Variants in ZNF347 observed in about 807,000 individuals in gnomAD.
ZNF347 encodes the protein zinc finger protein 347, also known as CTD-2620I22.7.
ZNF347 carries 19 observed loss-of-function variants against 12.9 expected under a neutral mutation model. The observed-to-expected ratio is 1.47, with a 90% confidence interval of 1.03 to 2.16. The LOEUF (loss-of-function observed/expected upper bound fraction) is 2.16. ZNF347 is among the 30% of genes most tolerant of loss of function. The pLI, the probability that ZNF347 is intolerant of heterozygous loss-of-function variation, is 0.00. For synonymous variants in ZNF347, 328 were observed against 340.6 expected, an observed-to-expected ratio of 0.96 and a Z score of 0.41; for missense variants, 1,005 against 990.6, an observed-to-expected ratio of 1.01 and a Z score of -0.19.
In ZNF347 at chr19:53,153,754, C is replaced by G. The variant is rs1182164550; in HGVS notation, c.-7G>C. The G allele has an allele frequency of 1.2e-6, 2 of 1,614,102 alleles. No homozygotes were observed. Among genetic ancestry groups the G allele is most frequent in the Admixed American group, 3.3e-5 (2 of 60,032 alleles). On this transcript the variant is annotated 5_prime_UTR_variant, in exon 2 of 5. Coordinates refer to ENST00000334197, the MANE Select transcript of ZNF347 (RefSeq NM_032584.3). ...TTACCTGGGTGAGAGCCATGCCTGA[C>G]TTGTCTTTCTTTCCTCTTCCTCTTC... is the stretch of plus-strand genomic sequence containing the variant.
At position 53,141,482 on chromosome 19, in the gene ZNF347, A is replaced by G; in HGVS notation, c.1346T>C (p.Val449Ala). The G allele has an allele frequency of 1.2e-6, 2 of 1,613,726 alleles. No homozygotes were observed. Among genetic ancestry groups the G allele is most frequent in the Non-Finnish European group, 1.7e-6 (2 of 1,179,992 alleles). ...GTAAGGCTTTTCTCCGGTGTGAATT[A>G]CCAGATGAATAGCTAGGCTTGAACG... ...GVRSSLAIHL[V>A]IHTGEKPYKC... The change falls in exon 5 of 5, where the codon GTA becomes GCA. Residue 449 changes from valine to alanine, a missense_variant. Val to Ala is a moderately conservative substitution (Grantham distance 64, BLOSUM62 0). Transcript: ENST00000334197.
At chr19:53,157,396 C>T (rs2090542620) in intron 1 of ZNF347, among the ~76,000 whole-genome samples, 1 of 151,578 alleles carries the variant, frequency 6.6e-6, no homozygotes, top group South Asian at 2.1e-4. Flanking sequence ...CTCTACATAG[C>T]TCTCATTCTC....
rs1360122760 is a variant in ZNF347 at position 53,139,377 on chromosome 19, T to C, written c.*931A>G. 6.6e-6 allele frequency: 1 copy of C among 152,196 alleles called. No individual in the cohort carries two copies. Among genetic ancestry groups the C allele is most frequent in the Non-Finnish European group, 1.5e-5 (1 of 68,032 alleles). The allele number at this position is 152,196 out of a possible 1,614,324, so 9.4% of individuals were successfully genotyped here. ...TAAAAATGATCCTCATGTAATGAAG[T>C]AAGCCTTTCCATACTGTGGTTCTTT... On this transcript the variant is annotated 3_prime_UTR_variant, in exon 5 of 5. Coordinates refer to ENST00000334197, the MANE Select transcript of ZNF347 (RefSeq NM_032584.3).
rs1197181020 is a variant in ZNF347 at position 53,135,323 on chromosome 19, TATATATATATATATATAGAGAGAG to T, written c.*4961_*4984del. Reference sequence around the variant, plus strand: ...AAATATATATATATATATATATATATATATATATATATATATAGAGAGAGAGAGAGAGAGAGAGAGAGAGAAAGA... The same window carrying T: ...AAATATATATATATATATATATATATAGAGAGAGAGAGAGAGAGAGAAAGA... On this transcript the variant is annotated 3_prime_UTR_variant, in exon 5 of 5. Transcript: ENST00000334197. 9.5e-5 allele frequency: 5 copies of T among 52,588 alleles called. No individual in the cohort carries two copies. Among genetic ancestry groups the T allele is most frequent in the Non-Finnish European group, 2.1e-4 (5 of 23,754 alleles). 3.3% of individuals were successfully genotyped at this position (52,588 alleles called of 1,614,324 possible).
rs1296965347 is a variant in ZNF347, at chr19:53,135,325, TATATATATATATATAGAGAG to T, written c.*4963_*4982del. Reference sequence around the variant, plus strand: ...ATATATATATATATATATATATATATATATATATATATATAGAGAGAGAGAGAGAGAGAGAGAGAGAGAAA... The same window carrying T: ...ATATATATATATATATATATATATATAGAGAGAGAGAGAGAGAGAGAGAAA... On this transcript the variant is annotated 3_prime_UTR_variant, in exon 5 of 5. Transcript: ENST00000334197. 17 of 45,916 alleles carry T rather than the reference TATATATATATATATAGAGAG, an allele frequency of 3.7e-4. 1 individual carries two copies. Among genetic ancestry groups the T allele is most frequent in the African/African-American group, 1.1e-3 (15 of 13,852 alleles). The allele number at this position is 45,916 out of a possible 1,614,324, so 2.8% of individuals were successfully genotyped here.
At chr19:53,154,634 G>A (rs745665335) in intron 1 of ZNF347, among the ~76,000 whole-genome samples, 1 of 152,118 alleles carries the variant, frequency 6.6e-6, no homozygotes. Context: ...AAAGCTTAAC[G>A]GGATGTCCTA....
rs770477006 is a variant in ZNF347, at chr19:53,140,330, C to G, written c.2498G>C (p.Cys833Ser). 4 of 1,556,094 alleles carry G rather than the reference C, an allele frequency of 2.6e-6. No homozygotes were observed. Among genetic ancestry groups the G allele is most frequent in the Non-Finnish European group, 3.5e-6 (4 of 1,155,642 alleles). ...WKVLKSEFKP[C>S]KPSQNS Reference sequence around the variant, plus strand: ...CCACTATGAATTCTGTGATGGCTTGCAAGGTTTGAACTCTGACTTTAGAAC... The same window carrying G: ...CCACTATGAATTCTGTGATGGCTTGGAAGGTTTGAACTCTGACTTTAGAAC... The change falls in exon 5 of 5, where the codon TGC (cysteine) becomes TCC (serine). Residue 833 changes from cysteine (C) to serine (S), a missense_variant. Coordinates refer to ENST00000334197, the MANE Select transcript of ZNF347 (RefSeq NM_032584.3).
Position 53,135,900 on chromosome 19 carries a change from T to G in ZNF347, c.*4408A>C, listed in dbSNP as rs929229855. 6.6e-6 allele frequency: 1 copy of G among 152,122 alleles called. No homozygotes were observed. The highest frequency in any genetic ancestry group is 1.5e-5 in the Non-Finnish European group (1 of 68,032). The allele number at this position is 152,122 out of a possible 1,614,324, so 9.4% of individuals were successfully genotyped here. On this transcript the variant is annotated 3_prime_UTR_variant, in exon 5 of 5. Coordinates refer to ENST00000334197, the MANE Select transcript of ZNF347 (RefSeq NM_032584.3). ...TGGAAACAAATCTAAGGGGAGTATA[T>G]TAAATGGCAGCTGTCATTGCAAAAG...
Position 53,137,850 on chromosome 19 carries a change from G to C in ZNF347, c.*2458C>G, listed in dbSNP as rs1233960054. On this transcript the variant is annotated 3_prime_UTR_variant, in exon 5 of 5. Transcript: ENST00000334197. ...GAGTCTCACTTTCTCGCCCAGGCTG[G>C]AGTGCAGTGGCAATCTCGGCTCACT... 2 of 152,048 alleles carry C rather than the reference G, an allele frequency of 1.3e-5. No individual in the cohort carries two copies. Among genetic ancestry groups the C allele is most frequent in the African/African-American group, 4.8e-5 (2 of 41,378 alleles). 9.4% of individuals were successfully genotyped at this position (152,048 alleles called of 1,614,324 possible). A position where few individuals can be genotyped will look rare whatever the true frequency, so the allele number is the denominator to read the frequency against.
Position 53,141,696 on chromosome 19 carries a change from A to T in ZNF347, c.1132T>A (p.Cys378Ser). ...TGEKPYKCNE[C>S]GKAFRARSSL... ...GAACGAGCTCTAAAGGCTTTCCCAC[A>T]CTCATTACACTTGTAAGGTTTCTCT... The change falls in exon 5 of 5, where the codon TGT (cysteine) becomes AGT (serine). Residue 378 changes from cysteine (C) to serine (S), a missense_variant. Transcript: ENST00000334197. 6.8e-6 allele frequency: 11 copies of T among 1,613,988 alleles called. No individual in the cohort carries two copies. In the South Asian group the frequency reaches 8.8e-5, roughly 13 times the overall value.
rs193102053 is a variant in ZNF347, at chr19:53,157,124, T to C, written c.-47+1885A>G. Among the ~76,000 whole-genome samples, 14 of 152,342 alleles carry C rather than the reference T, an allele frequency of 9.2e-5. 1 individual carries two copies. The highest frequency in any genetic ancestry group is 1.8e-4 in the Non-Finnish European group (12 of 68,030). The stretch of plus-strand genomic sequence containing the variant: ...CTAAATGAGCGAAGTCACTGCCCTC[T>C]GGTTTGAATAGTGATTGCAAATGAA... On this transcript the variant is annotated intron_variant, in intron 1 of 4. Coordinates refer to ENST00000334197, the MANE Select transcript of ZNF347 (RefSeq NM_032584.3).
chr19:53,143,048 C>A (rs1327511975), intron 4 of ZNF347, among the ~76,000 whole-genome samples: 1 of 152,022 alleles, frequency 6.6e-6, no homozygotes, highest in African/African-American at 2.4e-5. Flanking sequence ...AAAATAAGCA[C>A]AACAGTTTGT....
chr19:53,147,193 G>C (rs1253515634), intron 4 of ZNF347, among the ~76,000 whole-genome samples: 1 of 152,018 alleles, frequency 6.6e-6, no homozygotes, highest in Non-Finnish European at 1.5e-5. Context: ...TGGCCAACAT[G>C]GTGAAACCCC....
chr19:53,143,872 C>A (rs567473370), intron 4 of ZNF347, among the ~76,000 whole-genome samples: 1 of 152,176 alleles, frequency 6.6e-6, no homozygotes, highest in Non-Finnish European at 1.5e-5. Flanking sequence ...TATTTCTCCA[C>A]ATCCTCTCCA....
chr19:53,158,234 G>A (rs2090548162), intron 1 of ZNF347, among the ~76,000 whole-genome samples: 1 of 152,162 alleles, frequency 6.6e-6, no homozygotes. Context: ...GGGAGGCCTG[G>A]GGAGCAGCAG....
chr19:53,141,733 T>G lies in ZNF347; in HGVS notation c.1095A>C (p.Gly365=), dbSNP rs1380160606. The part of the protein sequence containing the change: ...TQNSHLVRHR[G]IHTGEKPYKC... Reference sequence around the variant, plus strand: ...TGTAAGGTTTCTCTCCAGTATGAATTCCTCGATGTCTTACAAGGTGTGAAT... The same window carrying G: ...TGTAAGGTTTCTCTCCAGTATGAATGCCTCGATGTCTTACAAGGTGTGAAT... Residue 365 remains glycine, a synonymous_variant, in exon 5 of 5, where the codon GGA becomes GGC. Coordinates refer to ENST00000334197, the MANE Select transcript of ZNF347 (RefSeq NM_032584.3). The G allele has an allele frequency of 6.2e-6, 10 of 1,613,938 alleles. No individual in the cohort carries two copies. Among genetic ancestry groups the G allele is most frequent in the Non-Finnish European group, 8.5e-6 (10 of 1,179,886 alleles).
rs1012930005 is a variant in ZNF347, at chr19:53,159,039, T to A, written c.-77A>T. 1.3e-5 allele frequency: 2 copies of A among 151,632 alleles called. No individual in the cohort carries two copies. The highest frequency in any genetic ancestry group is 2.9e-5 in the Non-Finnish European group (2 of 68,010). The allele number at this position is 151,632 out of a possible 1,614,324, so 9.4% of individuals were successfully genotyped here. A position where few individuals can be genotyped will look rare whatever the true frequency, so the allele number is the denominator to read the frequency against. ...GCGGCGTCACCCGCACCCAACACGA[T>A]CCGCTTCCGGAACTGCAGAAAACTG... is the stretch of plus-strand genomic sequence containing the variant. On this transcript the variant is annotated 5_prime_UTR_variant, in exon 1 of 5. Transcript: ENST00000334197.
intron 1 of ZNF347, among the ~76,000 whole-genome samples, chr19:53,156,048 G>GGGGTGT (rs1555802212): frequency 2.7e-5 from 3 of 112,046 alleles, no homozygotes; most frequent in Non-Finnish European, 5.7e-5. Context: ...CCCAGCTCGG[G>GGGGTGT]GGGGGGGGGG....
chr19:53,150,185 T>C (rs2090488602), intron 2 of ZNF347, among the ~76,000 whole-genome samples: 1 of 152,140 alleles, frequency 6.6e-6, no homozygotes, highest in African/African-American at 2.4e-5. Flanking sequence ...ACCTGTGGGA[T>C]CTGATGCTAT....
Sources: gnomAD v4.1 joint callset for allele counts (sites outside exome capture counted in the v4.1 genomes callset) on GRCh38, gnomAD v4.1.1 for gene constraint, MANE v1.5 for transcripts, NCBI Gene and HGNC (gene_info 2026-07-23, HGNC 2026-07-21) for gene names.